Variants in HS3ST4 observed in about 807,000 individuals in gnomAD.
HS3ST4 encodes heparan sulfate glucosamine 3-O-sulfotransferase 4.
Under a neutral mutation model 29.2 loss-of-function variants are expected in HS3ST4, and 17 were observed. The observed-to-expected ratio is 0.58, with a 90% CI of 0.40 to 0.87. The LOEUF is 0.87. Ranked by LOEUF, HS3ST4 falls within the 40% of genes least tolerant of loss-of-function variation. The pLI, the probability that HS3ST4 is intolerant of heterozygous loss-of-function variation, is 0.00. For synonymous variants in HS3ST4, 314 were observed against 285.7 expected, an observed-to-expected ratio of 1.10 and a Z score of -1.00; for missense variants, 627 against 634.5, an observed-to-expected ratio of 0.99 and a Z score of 0.13.
At chr16:25,869,799 TGG>T (rs1469154615) in intron 1 of HS3ST4, among the ~76,000 whole-genome samples, 3 of 152,222 alleles carry the variant, frequency 2.0e-5, no homozygotes, top group Non-Finnish European at 4.4e-5. Flanking sequence ...TATTAAATTA[TGG>T]ACTCTGTGCT....
chr16:25,941,778 A>G (rs974157678), intron 1 of HS3ST4, among the ~76,000 whole-genome samples: 2 of 151,412 alleles, frequency 1.3e-5, no homozygotes, highest in African/African-American at 4.9e-5. Flanking sequence ...GCATTTCACT[A>G]TGTTGGTCAG....
chr16:25,975,936 G>A (rs1968939208), intron 1 of HS3ST4, among the ~76,000 whole-genome samples: 1 of 152,170 alleles, frequency 6.6e-6, no homozygotes, highest in Non-Finnish European at 1.5e-5. Context: ...ACGCTGGGAT[G>A]CACAGAAACA....
intron 1 of HS3ST4, among the ~76,000 whole-genome samples, chr16:25,980,154 G>A (rs766847552): frequency 1.4e-4 from 22 of 152,150 alleles, no homozygotes; most frequent in Non-Finnish European, 2.9e-4. Context: ...AATGGCTCTA[G>A]GTTGTCTCTA....
In HS3ST4 at chr16:26,022,345, T is replaced by C. The variant is rs754301396; in HGVS notation, c.735-113267T>C. On this transcript the variant is annotated intron_variant, in intron 1 of 1. Transcript: ENST00000331351. ...AAATTAAGGAAATCTAAATCTAAAATGTTAGTGGTGGGTGATTTGTATTGG... is the reference window on the plus strand; with the variant it reads ...AAATTAAGGAAATCTAAATCTAAAACGTTAGTGGTGGGTGATTTGTATTGG... 8.5e-4 allele frequency among the ~76,000 whole-genome samples: 129 copies of C among 152,160 alleles called. 2 individuals are homozygous for C. The highest frequency in any genetic ancestry group is 3.2e-4 in the Non-Finnish European group (22 of 68,022).
chr16:26,083,679 T>C (rs1898750974), intron 1 of HS3ST4, among the ~76,000 whole-genome samples: 2 of 152,144 alleles, frequency 1.3e-5, no homozygotes, highest in South Asian at 4.1e-4. Context: ...GTTTGGCTGG[T>C]CCTTGGTCTA....
intron 1 of HS3ST4, among the ~76,000 whole-genome samples, chr16:25,960,535 G>A (rs577691212): frequency 6.6e-6 from 1 of 152,306 alleles, no homozygotes; most frequent in East Asian, 1.9e-4. Context: ...GAGTCCAGAA[G>A]ATGATTAGTT....
intron 1 of HS3ST4, among the ~76,000 whole-genome samples, chr16:25,845,881 CTATT>C: frequency 6.6e-6 from 1 of 152,202 alleles, no homozygotes; most frequent in African/African-American, 2.4e-5. Flanking sequence ...TCTGCATTAT[CTATT>C]CGGACCTTTA....
chr16:25,812,997 A>G (rs1219023231), intron 1 of HS3ST4, among the ~76,000 whole-genome samples: 1 of 152,194 alleles, frequency 6.6e-6, no homozygotes, highest in East Asian at 1.9e-4. Context: ...GTGGTTACAG[A>G]TATGGCTCAA....
At chr16:25,772,195 A>G (rs190574618) in intron 1 of HS3ST4, among the ~76,000 whole-genome samples, 2 of 152,334 alleles carry the variant, frequency 1.3e-5, no homozygotes, top group Admixed American at 1.3e-4. Context: ...GAAAGATGGT[A>G]TTTGGGCTTC....
At chr16:25,856,866 G>A (rs930552754) in intron 1 of HS3ST4, among the ~76,000 whole-genome samples, 2 of 152,072 alleles carry the variant, frequency 1.3e-5, no homozygotes, top group Non-Finnish European at 2.9e-5. Flanking sequence ...GCCTTCCTGA[G>A]TTCTGTGAGC....
intron 1 of HS3ST4, among the ~76,000 whole-genome samples, chr16:25,915,101 G>A (rs1010820296): frequency 6.6e-6 from 1 of 152,096 alleles, no homozygotes; most frequent in African/African-American, 2.4e-5. Flanking sequence ...AACCAATAAC[G>A]ACTCCAGATG....
At chr16:25,918,090 A>G (rs1231244972) in intron 1 of HS3ST4, among the ~76,000 whole-genome samples, 1 of 152,224 alleles carries the variant, frequency 6.6e-6, no homozygotes, top group South Asian at 2.1e-4. Flanking sequence ...TTCTGCAGAC[A>G]TATAATAATA....
intron 1 of HS3ST4, among the ~76,000 whole-genome samples, chr16:25,813,344 G>C (rs542701439): frequency 4.9e-4 from 75 of 152,280 alleles, no homozygotes; most frequent in Admixed American, 9.1e-4. Context: ...CATTGCTTGG[G>C]CCGGGTGCGG....
At chr16:25,889,251 ACT>A (rs1283930551) in intron 1 of HS3ST4, among the ~76,000 whole-genome samples, 5 of 151,824 alleles carry the variant, frequency 3.3e-5, no homozygotes, top group Admixed American at 3.3e-4. Context: ...GCTCTGAGGG[ACT>A]CTCTCCTTTG....
chr16:26,001,156 A>T (rs1204771737), intron 1 of HS3ST4, among the ~76,000 whole-genome samples: 1 of 152,166 alleles, frequency 6.6e-6, no homozygotes, highest in African/African-American at 2.4e-5. Flanking sequence ...CAATATTGGA[A>T]TTTGGACAGT....
chr16:25,964,662 C>T (rs900418952), intron 1 of HS3ST4, among the ~76,000 whole-genome samples: 1 of 152,190 alleles, frequency 6.6e-6, no homozygotes, highest in Non-Finnish European at 1.5e-5. Flanking sequence ...CGCTCAGTCC[C>T]TGTGAATCCT....
At chr16:25,933,776 T>A (rs910778485) in intron 1 of HS3ST4, among the ~76,000 whole-genome samples, 17 of 152,096 alleles carry the variant, frequency 1.1e-4, no homozygotes, top group African/African-American at 3.9e-4. Flanking sequence ...TAGTGTGTCA[T>A]TTGGGGAGTG....
At chr16:25,746,555 GTT>G (rs60752235) in intron 1 of HS3ST4, among the ~76,000 whole-genome samples, 6 of 143,610 alleles carry the variant, frequency 4.2e-5, no homozygotes, top group Non-Finnish European at 7.7e-5. Flanking sequence ...CAATTGGTTG[GTT>G]TTTTTTTTTT....
chr16:26,053,168 A>C (rs187120128), intron 1 of HS3ST4, among the ~76,000 whole-genome samples: 222 of 152,316 alleles, frequency 1.5e-3, no homozygotes, highest in Non-Finnish European at 2.7e-3. Context: ...CTGCATGTAA[A>C]TCCTGATACA....
Sources: gnomAD v4.1 joint callset for allele counts (sites outside exome capture counted in the v4.1 genomes callset) on GRCh38, gnomAD v4.1.1 for gene constraint, MANE v1.5 for transcripts, NCBI Gene and HGNC (gene_info 2026-07-23, HGNC 2026-07-21) for gene names.